IQCH: variants seen among roughly 807,000 people sequenced by gnomAD.
The protein encoded by IQCH is IQ motif containing H.
IQCH carries 98 observed loss-of-function variants against 117.0 expected under a neutral mutation model. The ratio of observed to expected loss-of-function variants is 0.84; its 90% CI spans 0.71 to 0.99. The LOEUF is 0.99. Ranked by LOEUF, IQCH falls within the 50% of genes least tolerant of loss-of-function variation. The pLI, the probability that IQCH is intolerant of heterozygous loss-of-function variation, is 0.00. For synonymous variants in IQCH, 412 were observed against 448.2 expected (o/e 0.92, Z 1.02); for missense variants, 1,102 against 1,243.8 (o/e 0.89, Z 1.72).
chr15:67,446,392 G>A (rs189488753), intron 16 of IQCH, among the ~76,000 whole-genome samples: 3 of 152,286 alleles, frequency 2.0e-5, no homozygotes, highest in African/African-American at 4.8e-5. Flanking sequence ...TTAAGAAATA[G>A]TGCATTGAAT....
At position 67,417,038 on chromosome 15, in the gene IQCH, A is replaced by G. The variant is rs1390095166; in HGVS notation, c.2205A>G (p.Thr735=). The part of the protein sequence containing the change: ...RFPTWRKFLQ[T]FLSQGGVIEA... ...CGACGTGGAGGAAATTCCTCCAAAC[A>G]TTTCTCAGTCAAGGTAAATAAGACT... The change falls in exon 15 of 21, where the codon ACA becomes ACG. Residue 735 remains threonine (T), a synonymous_variant. Transcript: ENST00000335894. The surrounding 1 kb of genome is among the most constrained non-coding windows in gnomAD (Gnocchi z 4.3). 1.2e-6 allele frequency: 2 copies of G among 1,608,408 alleles called. No individual in the cohort carries two copies. The highest frequency in any genetic ancestry group is 1.7e-5 in the Admixed American group (1 of 59,232).
intron 16 of IQCH, among the ~76,000 whole-genome samples, chr15:67,450,604 G>A (rs374390049): frequency 1.3e-5 from 2 of 152,254 alleles, no homozygotes; most frequent in Admixed American, 1.3e-4. Context: ...GCTTTTTGAT[G>A]TGCTACTGGA....
chr15:67,449,705 T>C lies in IQCH; in HGVS notation c.2506-15422T>C, dbSNP rs552323653. Among the ~76,000 whole-genome samples the C allele has an allele frequency of 1.4e-4, 22 of 152,340 alleles. No individual in the cohort carries two copies. In the East Asian group the frequency reaches 2.5e-3, roughly 17 times the overall value. Reference sequence around the variant, plus strand: ...TTGGCTTAGGATTGACTTGGCCATGTGGGCTCTTTTTGGGTTCTATATGAA... The same window carrying C: ...TTGGCTTAGGATTGACTTGGCCATGCGGGCTCTTTTTGGGTTCTATATGAA... On this transcript the variant is annotated intron_variant, in intron 16 of 20. Transcript: ENST00000335894.
intron 2 of IQCH, among the ~76,000 whole-genome samples, 197 bp downstream of exon 2, chr15:67,261,591 A>G (rs984756583): frequency 2.0e-5 from 3 of 152,232 alleles, no homozygotes; most frequent in African/African-American, 7.2e-5. Flanking sequence ...TTCACAAAGA[A>G]TTTAAGTAGG....
At chr15:67,274,628 G>C (rs1331864406) in intron 3 of IQCH, among the ~76,000 whole-genome samples, 1 of 151,934 alleles carries the variant, frequency 6.6e-6, no homozygotes, top group South Asian at 2.1e-4. Flanking sequence ...CAGAGATCTC[G>C]CATATCAACA....
At position 67,476,889 on chromosome 15, in the gene IQCH, T is replaced by C. The variant is rs1239887956; in HGVS notation, c.2799+1071T>C. ...TTCATCTCCCACATTAAATATAAGG[T>C]ATATATAATGACATAAGAATTGAGT... On this transcript the variant is annotated intron_variant, in intron 18 of 20. Transcript: ENST00000335894. The surrounding 1 kb of genome is among the most constrained non-coding windows in gnomAD (Gnocchi z 4.1). Among the ~76,000 whole-genome samples the C allele has an allele frequency of 1.3e-5, 2 of 152,078 alleles. No individual in the cohort carries two copies. The highest frequency in any genetic ancestry group is 2.9e-5 in the Non-Finnish European group (2 of 68,014).
At chr15:67,332,268 C>G (rs894909747) in intron 4 of IQCH, among the ~76,000 whole-genome samples, 1 of 152,014 alleles carries the variant, frequency 6.6e-6, no homozygotes, top group African/African-American at 2.4e-5. Context: ...ATTTGGATTT[C>G]AAAGACAAAG....
chr15:67,337,204 G>A, intron 5 of IQCH, 109 bp downstream of exon 5: 3 of 1,266,332 alleles, frequency 2.4e-6, no homozygotes, highest in Non-Finnish European at 3.3e-6. Flanking sequence ...AATTCTCCTG[G>A]GTGGCCTCAG....
chr15:67,448,777 G>A (rs560240719), intron 16 of IQCH, among the ~76,000 whole-genome samples: 1 of 152,218 alleles, frequency 6.6e-6, no homozygotes, highest in African/African-American at 2.4e-5. Context: ...GGTATTTCTA[G>A]TTGTAGATCC....
chr15:67,317,903 C>T (rs1246728438), intron 4 of IQCH, among the ~76,000 whole-genome samples: 3 of 152,152 alleles, frequency 2.0e-5, no homozygotes, highest in Non-Finnish European at 2.9e-5. Context: ...GCCCTACACA[C>T]GGCTTCCCTT....
At chr15:67,438,202 C>T (rs1056255918) in intron 16 of IQCH, among the ~76,000 whole-genome samples, 2 of 152,200 alleles carry the variant, frequency 1.3e-5, no homozygotes, top group Non-Finnish European at 2.9e-5. Context: ...GCAGATTTCT[C>T]AGCAGAAACC....
chr15:67,421,654 G>T, intron 16 of IQCH, 77 bp downstream of exon 16: 1 of 1,384,128 alleles, frequency 7.2e-7, no homozygotes, highest in Non-Finnish European at 1.0e-6. Context: ...GTACAACAGG[G>T]CATATGAGGG....
rs560335499 is a variant in IQCH at position 67,457,047 on chromosome 15, G to C, written c.2506-8080G>C. Among the ~76,000 whole-genome samples the C allele has an allele frequency of 1.3e-5, 2 of 152,176 alleles. No individual in the cohort carries two copies. The highest frequency in any genetic ancestry group is 2.9e-5 in the Non-Finnish European group (2 of 68,034). ...AAACCAAGAGGCTCAATTGCTGACC[G>C]GGGTGACTGCCCTGTACAGCGACAA... On this transcript the variant is annotated intron_variant, in intron 16 of 20. Coordinates refer to ENST00000335894, the MANE Select transcript of IQCH (RefSeq NM_001031715.3). This position sits in a 1 kb window ranked among gnomAD's most constrained non-coding sequence, Gnocchi z 5.7.
At chr15:67,375,452 G>A (rs1970704692) in intron 10 of IQCH, among the ~76,000 whole-genome samples, 1 of 152,020 alleles carries the variant, frequency 6.6e-6, no homozygotes, top group Admixed American at 6.6e-5. Context: ...AATAAATTAA[G>A]TGGGAGAATA....
At position 67,433,634 on chromosome 15, in the gene IQCH, T is replaced by A. The variant is rs2082063697; in HGVS notation, c.2505+12057T>A. Among the ~76,000 whole-genome samples the A allele has an allele frequency of 1.3e-5, 2 of 152,160 alleles. No individual in the cohort carries two copies. Among genetic ancestry groups the A allele is most frequent in the Admixed American group, 1.3e-4 (2 of 15,274 alleles). On this transcript the variant is annotated intron_variant, in intron 16 of 20. Transcript: ENST00000335894. This position sits in a 1 kb window ranked among gnomAD's most constrained non-coding sequence, Gnocchi z 5.4. ...CAAGACACCTCTCTGCACTTAGGGA[T>A]CTTTAACTTGAATCACCAGAAACAT...
chr15:67,341,605 G>A (rs1414535069), intron 5 of IQCH, among the ~76,000 whole-genome samples: 4 of 152,130 alleles, frequency 2.6e-5, no homozygotes, highest in South Asian at 2.1e-4. Flanking sequence ...TCAGGTGACC[G>A]TTTTGCTCAT....
rs76482519 is a variant in IQCH at position 67,472,396 on chromosome 15, G to T, written c.2677-3300G>T. Among the ~76,000 whole-genome samples the T allele has an allele frequency of 9.1e-4, 139 of 152,304 alleles. No individual in the cohort carries two copies. Among genetic ancestry groups the T allele is most frequent in the African/African-American group, 3.2e-3 (134 of 41,556 alleles). ...TAGATTTCACCGTGAAGGCAAAAAG[G>T]CCTGAATATTTCTGAATAGGAGGAT... On this transcript the variant is annotated intron_variant, in intron 17 of 20. Coordinates refer to ENST00000335894, the MANE Select transcript of IQCH (RefSeq NM_001031715.3). The surrounding 1 kb of genome is among the most constrained non-coding windows in gnomAD (Gnocchi z 4.3).
chr15:67,270,600 A>G (rs1217649099), intron 3 of IQCH, among the ~76,000 whole-genome samples: 1 of 152,004 alleles, frequency 6.6e-6, no homozygotes, highest in African/African-American at 2.4e-5. Context: ...TCTCCATGGG[A>G]ACTGGTTGAA....
chr15:67,329,251 A>T (rs953703603), intron 4 of IQCH, among the ~76,000 whole-genome samples: 1 of 151,064 alleles, frequency 6.6e-6, no homozygotes, highest in Non-Finnish European at 1.5e-5. Flanking sequence ...GTGAGCTGTG[A>T]TTACACCACT....
Sources: gnomAD v4.1 joint callset for allele counts (sites outside exome capture counted in the v4.1 genomes callset) on GRCh38, gnomAD v4.1.1 for gene constraint, Gnocchi (gnomAD v3.1) non-coding constraint, MANE v1.5 for transcripts, NCBI Gene and HGNC (gene_info 2026-07-23, HGNC 2026-07-21) for gene names.